Variants in TTC7B observed in about 807,000 individuals in gnomAD.
TTC7B encodes the protein tetratricopeptide repeat domain 7B, also known as tetratricopeptide repeat protein 7B.
A neutral mutation model predicts 106.8 loss-of-function variants in TTC7B; 28 were observed. The observed-to-expected ratio is 0.26, with a 90% CI of 0.19 to 0.36. TTC7B has a LOEUF of 0.36. Ranked by LOEUF, TTC7B falls within the 10% of genes least tolerant of loss-of-function variation. The pLI is 1.00. For missense variants in TTC7B, 862 were observed against 1,076.4 expected (o/e 0.80, Z 2.79); for synonymous variants, 405 against 430.6 (o/e 0.94, Z 0.74).
At chr14:90,729,240 AGAGCCATGCCCCAAG>A (rs999404068) in intron 5 of TTC7B, among the ~76,000 whole-genome samples, 2 of 152,270 alleles carry the variant, frequency 1.3e-5, no homozygotes, top group Non-Finnish European at 2.9e-5. Flanking sequence ...CCCAATTTCA[AGAGCCATGCCCCAAG>A]GTTTGAAGCT....
At chr14:90,695,906 T>C (rs1034950743) in intron 5 of TTC7B, among the ~76,000 whole-genome samples, 1 of 152,116 alleles carries the variant, frequency 6.6e-6, no homozygotes, top group African/African-American at 2.4e-5. Context: ...CTGAAATCTA[T>C]ATTTTCATTT....
chr14:90,777,014 T>C (rs1369708051), intron 3 of TTC7B, among the ~76,000 whole-genome samples: 1 of 152,130 alleles, frequency 6.6e-6, no homozygotes, highest in Admixed American at 6.5e-5. Flanking sequence ...GGTGGGTGGA[T>C]CACCTGAGAT....
chr14:90,666,588 C>T (rs971707690), intron 9 of TTC7B, among the ~76,000 whole-genome samples: 3 of 152,212 alleles, frequency 2.0e-5, no homozygotes, highest in Admixed American at 2.0e-4. Flanking sequence ...AAATAAAAGT[C>T]CCCCTCCTTG....
rs150566069 is a variant in TTC7B at position 90,611,474 on chromosome 14, A to G, written c.1869-635T>C. 7.3e-3 allele frequency among the ~76,000 whole-genome samples: 1,113 copies of G among 152,304 alleles called. 9 individuals carry two copies. The highest frequency in any genetic ancestry group is 0.024 in the African/African-American group (1,016 of 41,568). On this transcript the variant is annotated intron_variant, in intron 16 of 19. Coordinates refer to ENST00000328459, the MANE Select transcript of TTC7B (RefSeq NM_001010854.2). ...GTCATGCACTCATTCTGGGGTCCCCAGAATGTAGGCCTTTGTGCTACATCG... is the reference window on the plus strand; with the variant it reads ...GTCATGCACTCATTCTGGGGTCCCCGGAATGTAGGCCTTTGTGCTACATCG...
chr14:90,702,494 ATTAC>A (rs1373570299), intron 5 of TTC7B, among the ~76,000 whole-genome samples: 1 of 152,112 alleles, frequency 6.6e-6, no homozygotes, highest in East Asian at 1.9e-4. Flanking sequence ...ATTTGCCATT[ATTAC>A]TTCTGTTAGC....
At chr14:90,654,920 G>A (rs544078951) in intron 12 of TTC7B, 73 bp downstream of exon 12, 12 of 1,209,032 alleles carry the variant, frequency 9.9e-6, no homozygotes, top group African/African-American at 4.5e-5. Flanking sequence ...AGGGGACTGT[G>A]GGAATCCCGC....
At chr14:90,647,531 A>G (rs1885515676) in intron 13 of TTC7B, 1 of 154,600 alleles carries the variant, frequency 6.5e-6, no homozygotes, top group African/African-American at 2.4e-5. Context: ...TTTTTGGTGA[A>G]AAAAGGGAAG....
intron 19 of TTC7B, among the ~76,000 whole-genome samples, chr14:90,542,875 G>C (rs1889668127): frequency 6.6e-6 from 1 of 152,020 alleles, no homozygotes; most frequent in Non-Finnish European, 1.5e-5. Flanking sequence ...AGGGTCTCTG[G>C]GTAAGAGGAT....
chr14:90,669,154 T>C (rs1886533973), intron 9 of TTC7B, among the ~76,000 whole-genome samples: 4 of 149,024 alleles, frequency 2.7e-5, no homozygotes, highest in Non-Finnish European at 6.0e-5. Context: ...GACAACTGGA[T>C]TTCCACATGC....
intron 1 of TTC7B, 107 bp from the exon 2 acceptor site, chr14:90,786,435 C>T: frequency 7.5e-7 from 1 of 1,338,316 alleles, no homozygotes; most frequent in Non-Finnish European, 1.0e-6. Context: ...TCCAGGCCCC[C>T]AGCAAGGTCC....
intron 1 of TTC7B, among the ~76,000 whole-genome samples, chr14:90,812,027 C>T (rs2030925076): frequency 1.3e-5 from 2 of 152,176 alleles, no homozygotes; most frequent in African/African-American, 2.4e-5. Context: ...GGGACCTGGC[C>T]TACCTTGCCC....
Position 90,598,964 on chromosome 14 carries a change from A to T in TTC7B, c.1967-5338T>A, listed in dbSNP as rs1186735675. Among the ~76,000 whole-genome samples, 6 of 152,282 alleles carry T rather than the reference A, an allele frequency of 3.9e-5. No homozygotes were observed. The South Asian group carries it at 1.2e-3, about 32-fold the overall frequency. On this transcript the variant is annotated intron_variant, in intron 17 of 19. Transcript: ENST00000328459. Reference sequence around the variant, plus strand: ...GGAGTCTGAGACCAGGCTGGCCAACATGGTGAAACCCTGTCTCTACTAAAA... The same window carrying T: ...GGAGTCTGAGACCAGGCTGGCCAACTTGGTGAAACCCTGTCTCTACTAAAA...
intron 11 of TTC7B, 103 bp from the exon 12 acceptor site, chr14:90,655,213 T>C: frequency 3.8e-6 from 3 of 796,736 alleles, no homozygotes; most frequent in Middle Eastern, 2.5e-4. Context: ...TGAGTCACTT[T>C]GAAAATGACT....
At chr14:90,704,260 AGC>A (rs1449295696) in intron 5 of TTC7B, among the ~76,000 whole-genome samples, 1 of 152,260 alleles carries the variant, frequency 6.6e-6, no homozygotes, top group Non-Finnish European at 1.5e-5. Context: ...AAAAGCCAAA[AGC>A]AGCCACTGGT....
At chr14:90,783,437 A>G (rs1275486675) in intron 2 of TTC7B, among the ~76,000 whole-genome samples, 3 of 152,234 alleles carry the variant, frequency 2.0e-5, no homozygotes, top group Non-Finnish European at 2.9e-5. Context: ...AAAATTCTCT[A>G]GGTAGAACTA....
intron 16 of TTC7B, among the ~76,000 whole-genome samples, chr14:90,615,680 G>A (rs907501065): frequency 1.3e-5 from 2 of 152,124 alleles, no homozygotes; most frequent in Non-Finnish European, 2.9e-5. Flanking sequence ...TGTTGCCAGG[G>A]TCACCTCTTA....
chr14:90,694,576 T>C (rs1487788009), intron 6 of TTC7B, among the ~76,000 whole-genome samples: 1 of 149,338 alleles, frequency 6.7e-6, no homozygotes, highest in African/African-American at 2.4e-5. Context: ...GACATATATG[T>C]ATAATACATA....
chr14:90,607,774 G>A (rs1442783972), intron 17 of TTC7B, among the ~76,000 whole-genome samples: 5 of 152,194 alleles, frequency 3.3e-5, no homozygotes, highest in Non-Finnish European at 5.9e-5. Flanking sequence ...TGGGTATGGA[G>A]GCATCTTCAG....
chr14:90,573,036 G>A (rs771852749), intron 19 of TTC7B, among the ~76,000 whole-genome samples: 1 of 152,144 alleles, frequency 6.6e-6, no homozygotes, highest in Non-Finnish European at 1.5e-5. Flanking sequence ...CTTCCTTGGG[G>A]CGGGGGTTGG....
Sources: allele counts gnomAD v4.1 joint callset (sites outside exome capture counted in the v4.1 genomes callset), GRCh38; gene constraint gnomAD v4.1.1; transcripts MANE v1.5; gene names NCBI Gene and HGNC (gene_info 2026-07-23, HGNC 2026-07-21).